SGIP1: variants seen among roughly 807,000 people sequenced by gnomAD.
The protein encoded by SGIP1 is SH3GL interacting endocytic adaptor 1, also known as SH3-containing GRB2-like protein 3-interacting protein 1.
Under a neutral mutation model 107.5 loss-of-function variants are expected in SGIP1, and 38 were observed. The observed-to-expected ratio is 0.35, with a 90% CI of 0.27 to 0.46. The LOEUF is 0.46. Ranked by LOEUF, SGIP1 falls within the 20% of genes least tolerant of loss-of-function variation. SGIP1 has a pLI of 1.00. For missense variants in SGIP1, 929 were observed against 1,019.5 expected (o/e 0.91, Z 1.21); for synonymous variants, 365 against 366.1 (o/e 1.00, Z 0.03).
intron 18 of SGIP1, among the ~76,000 whole-genome samples, chr1:66,707,735 G>T (rs1165004406): frequency 6.6e-6 from 1 of 152,126 alleles, no homozygotes; most frequent in African/African-American, 2.4e-5. Flanking sequence ...TTGATGAGTT[G>T]TCCAGGGGCA....
At chr1:66,655,017 A>G (rs1257507516) in intron 7 of SGIP1, among the ~76,000 whole-genome samples, 2 of 152,228 alleles carry the variant, frequency 1.3e-5, no homozygotes, top group Admixed American at 6.5e-5. Flanking sequence ...GAGTTTCCAA[A>G]GAGGAATGAC....
chr1:66,613,497 T>C (rs1418327714), intron 1 of SGIP1, among the ~76,000 whole-genome samples: 1 of 152,084 alleles, frequency 6.6e-6, no homozygotes, highest in Non-Finnish European at 1.5e-5. Context: ...GCCCAGCTAT[T>C]TTTTGTATTT....
At chr1:66,556,810 A>G (rs1043836328) in intron 1 of SGIP1, among the ~76,000 whole-genome samples, 2 of 152,044 alleles carry the variant, frequency 1.3e-5, no homozygotes, top group African/African-American at 4.8e-5. Flanking sequence ...CTGTCCCCCC[A>G]TTGGTTAGTT....
chr1:66,596,354 C>T (rs532222186), intron 1 of SGIP1, among the ~76,000 whole-genome samples: 1 of 152,072 alleles, frequency 6.6e-6, no homozygotes, highest in Non-Finnish European at 1.5e-5. Context: ...TACCAGAAGG[C>T]AGGAAAGTCC....
intron 19 of SGIP1, among the ~76,000 whole-genome samples, chr1:66,722,707 C>T (rs1055300455): frequency 6.6e-6 from 1 of 152,128 alleles, no homozygotes; most frequent in Non-Finnish European, 1.5e-5. Context: ...CCGTTATTAA[C>T]GTATTTTTTA....
Position 66,660,523 on chromosome 1 carries a change from C to T in SGIP1, c.470C>T (p.Pro157Leu), listed in dbSNP as rs752860265. 10 of 1,610,374 alleles carry T rather than the reference C, an allele frequency of 6.2e-6. No individual in the cohort carries two copies. The highest frequency in any genetic ancestry group is 2.2e-5 in the East Asian group (1 of 44,850). ...TGCCTACGCTTTTAGAGGAAAAGTCCGGTAAGAAATAAGTCCTTCCCGCTT... is the reference window on the plus strand; with the variant it reads ...TGCCTACGCTTTTAGAGGAAAAGTCTGGTAAGAAATAAGTCCTTCCCGCTT... The part of the protein sequence containing the change: ...ALSPSPVRKS[P>L]RRSPGAIKRN... The change falls in exon 8 of 25, where the codon CCG becomes CTG. Residue 157 changes from proline (P) to leucine (L), a missense_variant and splice_region_variant. Pro to Leu is a moderately conservative substitution (Grantham distance 98). Coordinates refer to ENST00000371037, the MANE Select transcript of SGIP1 (RefSeq NM_032291.4).
intron 7 of SGIP1, among the ~76,000 whole-genome samples, chr1:66,652,452 T>C (rs2078945886): frequency 6.6e-6 from 1 of 151,896 alleles, no homozygotes; most frequent in African/African-American, 2.4e-5. Context: ...CTCTGGAAAG[T>C]AAGTGGTACA....
At position 66,682,064 on chromosome 1, in the gene SGIP1, C is replaced by T. The variant is rs372346395; in HGVS notation, c.1010C>T (p.Pro337Leu). The change falls in exon 15 of 25, where the codon CCA becomes CTA. Residue 337 changes from proline (P) to leucine (L), a missense_variant. By Grantham distance (98) the Pro-to-Leu change is moderately conservative. Around this residue, in one of 2 missense-constraint regions of SGIP1, gnomAD observed 588 missense variants for 588.6 expected, o/e 1.00. Transcript: ENST00000371037. ...CCAAGGGAAAAAGTGGTGTCCCCAC[C>T]AGCTACACCAGACAACCCAGCTGAC... ...LTPREKVVSP[P>L]ATPDNPADSP... The T allele has an allele frequency of 2.5e-6, 4 of 1,614,082 alleles. No homozygotes were observed. In the African/African-American group the frequency reaches 5.3e-5, roughly 22 times the overall value.
chr1:66,579,528 G>T (rs1400793856), intron 1 of SGIP1, among the ~76,000 whole-genome samples: 1 of 152,174 alleles, frequency 6.6e-6, no homozygotes, highest in Admixed American at 6.5e-5. Flanking sequence ...TGTGCATGTA[G>T]CAAGACACCT....
intron 7 of SGIP1, among the ~76,000 whole-genome samples, chr1:66,647,790 G>A (rs1442311197): frequency 6.6e-6 from 1 of 152,114 alleles, no homozygotes; most frequent in African/African-American, 2.4e-5. Flanking sequence ...TGTTTTTTAA[G>A]GCAGGCTGTT....
Position 66,689,206 on chromosome 1 carries a change from A to G in SGIP1, c.1374A>G (p.Pro458=). The G allele has an allele frequency of 6.2e-7, 1 of 1,613,472 alleles. No individual in the cohort carries two copies. Among genetic ancestry groups the G allele is most frequent in the South Asian group, 1.1e-5 (1 of 91,004 alleles). Residue 458 remains proline (P), a synonymous_variant, in exon 16 of 25, where the codon CCA becomes CCG. Coordinates refer to ENST00000371037, the MANE Select transcript of SGIP1 (RefSeq NM_032291.4). ...TGGTTCCTTGCAGAAGTACCACTCC[A>G]CCTCCACCTCCTCCCCGGCCTCCAT... is the stretch of plus-strand genomic sequence containing the variant. ...TPLVPCRSTT[P]PPPPPRPPSR...
intron 2 of SGIP1, among the ~76,000 whole-genome samples, chr1:66,628,775 A>G (rs1212289537): frequency 6.6e-6 from 1 of 152,212 alleles, no homozygotes; most frequent in Non-Finnish European, 1.5e-5. Context: ...CCTCACAGCT[A>G]CGGGTAGAGG....
intron 1 of SGIP1, among the ~76,000 whole-genome samples, chr1:66,567,907 C>A (rs1302127723): frequency 6.6e-6 from 1 of 152,076 alleles, no homozygotes. Context: ...GTTACTGTAG[C>A]CTTGTAGTAT....
In SGIP1 at chr1:66,671,944, G is replaced by A. The variant is rs2083923985; in HGVS notation, c.509G>A (p.Ser170Asn). Reference protein sequence around the residue: ...SPGAIKRNLSSEEVARPRRST... With the variant: ...SPGAIKRNLSNEEVARPRRST... ...AAAGTTCCTTTGTCCTGTGCATCAG[G>A]TGAAGAAGTGGCAAGACCCAGGCGT... Residue 170 changes from serine to asparagine, a missense_variant and splice_region_variant, in exon 11 of 25, where the codon AGT (serine) becomes AAT (asparagine). This residue lies in a region of SGIP1 where 588 missense variants were observed against 588.6 expected (regional missense o/e 1.00). Transcript: ENST00000371037. The A allele has an allele frequency of 5.6e-6, 9 of 1,613,894 alleles. No homozygotes were observed. The South Asian group carries it at 7.7e-5, about 14-fold the overall frequency.
intron 8 of SGIP1, among the ~76,000 whole-genome samples, chr1:66,665,301 C>G (rs1220444231): frequency 6.6e-6 from 1 of 152,132 alleles, no homozygotes. Context: ...AGGACATGAA[C>G]CCATCCTTTT....
chr1:66,735,970 G>T (rs1572416897), intron 21 of SGIP1, among the ~76,000 whole-genome samples: 1 of 151,156 alleles, frequency 6.6e-6, no homozygotes, highest in East Asian at 1.9e-4. Flanking sequence ...TCAAATGAAG[G>T]AAGTTGTACT....
chr1:66,696,760 C>A (rs2090996972), intron 18 of SGIP1, among the ~76,000 whole-genome samples: 1 of 152,178 alleles, frequency 6.6e-6, no homozygotes, highest in African/African-American at 2.4e-5. Context: ...CACATGAAGT[C>A]AAAGCCTTCA....
At chr1:66,592,775 A>G (rs1033067147) in intron 1 of SGIP1, among the ~76,000 whole-genome samples, 5 of 151,708 alleles carry the variant, frequency 3.3e-5, no homozygotes, top group South Asian at 4.2e-4. Context: ...TGGAACTACT[A>G]ATCTTCCTAT....
intron 1 of SGIP1, among the ~76,000 whole-genome samples, chr1:66,576,074 G>T (rs1043261158): frequency 6.6e-6 from 1 of 152,196 alleles, no homozygotes; most frequent in African/African-American, 2.4e-5. Context: ...CAAGAGGTCA[G>T]AAAATAAGAA....
Sources: allele counts gnomAD v4.1 joint callset (sites outside exome capture counted in the v4.1 genomes callset), GRCh38; gene constraint gnomAD v4.1.1; regional missense constraint gnomAD v4.1.1; transcripts MANE v1.5; gene names NCBI Gene and HGNC (gene_info 2026-07-23, HGNC 2026-07-21).